The following SUPV3L1 variants were observed in gnomAD, a reference collection of about 807,000 sequenced individuals.
SUPV3L1 encodes the protein ATP-dependent RNA helicase SUPV3L1, mitochondrial.
Under a neutral mutation model 70.0 loss-of-function variants are expected in SUPV3L1, and 35 were observed. The ratio of observed to expected loss-of-function variants is 0.50; its 90% CI spans 0.38 to 0.66. The LOEUF is 0.66. Ranked by LOEUF, SUPV3L1 falls within the 30% of genes least tolerant of loss-of-function variation. The probability of loss-of-function intolerance (pLI) is 0.00; values close to 1 mark genes in which losing one functional copy is unlikely to be tolerated. For synonymous variants in SUPV3L1, 364 were observed against 341.9 expected (o/e 1.06, Z -0.71); for missense variants, 777 against 961.5 (o/e 0.81, Z 2.54).
At chr10:69,202,322 A>C in intron 11 of SUPV3L1, 117 bp from the exon 12 acceptor site, 1 of 666,504 alleles carries the variant, frequency 1.5e-6, no homozygotes. Flanking sequence ...CTTGGCATTT[A>C]CTTCATATGG....
rs536857618 is a variant in SUPV3L1, at chr10:69,199,695, T to C, written c.1298+498T>C. Among the ~76,000 whole-genome samples, 22 of 152,070 alleles carry C rather than the reference T, an allele frequency of 1.4e-4. No individual in the cohort carries two copies. The East Asian group carries it at 4.3e-3, about 29-fold the overall frequency. The stretch of plus-strand genomic sequence containing the variant: ...ACTACACTCGGCCCACACTAGGACG[T>C]TTGAATGCTGCCCACCACTACTGCT... On this transcript the variant is annotated intron_variant, in intron 10 of 14. Coordinates refer to ENST00000359655, the MANE Select transcript of SUPV3L1 (RefSeq NM_003171.5).
intron 9 of SUPV3L1, among the ~76,000 whole-genome samples, chr10:69,198,900 G>A (rs1842612219): frequency 2.6e-5 from 4 of 152,180 alleles, no homozygotes; most frequent in Admixed American, 1.3e-4. Context: ...GTGGGGGATT[G>A]TGTTGCTATA....
intron 5 of SUPV3L1, among the ~76,000 whole-genome samples, chr10:69,190,180 C>G (rs1055290745): frequency 6.6e-6 from 1 of 152,320 alleles, no homozygotes; most frequent in Non-Finnish European, 1.5e-5. Context: ...TCTCAAAACT[C>G]TGTAGTCCTT....
Position 69,198,564 on chromosome 10 carries a change from C to T in SUPV3L1, c.1204+12C>T. The T allele has an allele frequency of 6.2e-7, 1 of 1,609,966 alleles. No homozygotes were observed. Among genetic ancestry groups the T allele is most frequent in the Non-Finnish European group, 8.5e-7 (1 of 1,178,886 alleles). On this transcript the variant is annotated intron_variant, in intron 9 of 14. Transcript: ENST00000359655. The stretch of plus-strand genomic sequence containing the variant: ...CAGTCTCCCACCTGGTAATTATTGA[C>T]TTTCCTCGTGACAAGATATGAAATC...
intron 1 of SUPV3L1, among the ~76,000 whole-genome samples, chr10:69,185,272 C>T (rs1023611434): frequency 2.0e-5 from 3 of 152,182 alleles, no homozygotes; most frequent in African/African-American, 7.2e-5. Flanking sequence ...TTAACATCAG[C>T]GTGGCTTCCT....
chr10:69,180,287 C>T lies in SUPV3L1; in HGVS notation c.-5C>T, dbSNP rs765954450. 1.4e-5 allele frequency: 23 copies of T among 1,612,518 alleles called. No homozygotes were observed. Among genetic ancestry groups the T allele is most frequent in the Admixed American group, 1.7e-5 (1 of 59,924 alleles). On this transcript the variant is annotated 5_prime_UTR_variant, in exon 1 of 15. Coordinates refer to ENST00000359655, the MANE Select transcript of SUPV3L1 (RefSeq NM_003171.5). ...GCGCCAGACAGTGTAGAACCTGCGG[C>T]CTCGATGTCCTTCTCCCGTGCCCTA...
intron 8 of SUPV3L1, among the ~76,000 whole-genome samples, chr10:69,197,784 G>A (rs531587823): frequency 1.3e-5 from 2 of 152,242 alleles, no homozygotes; most frequent in South Asian, 4.1e-4. Flanking sequence ...ACCAAGGCTG[G>A]TCTCGAACTC....
intron 9 of SUPV3L1, 110 bp from the exon 10 acceptor site, chr10:69,198,994 T>A: frequency 1.3e-6 from 1 of 780,648 alleles, no homozygotes; most frequent in Non-Finnish European, 2.0e-6. Context: ...CAGTAAAGGT[T>A]TTATCATTAA....
In SUPV3L1 at chr10:69,180,581, G is replaced by C. The variant is rs751344295; in HGVS notation, c.271+19G>C. The stretch of plus-strand genomic sequence containing the variant: ...GACAAGAGTGAGTGCGGGAACTACT[G>C]AGGGCGGCAGAGGGTGGTGTCTGCT... On this transcript the variant is annotated intron_variant, in intron 1 of 14. Transcript: ENST00000359655. The C allele has an allele frequency of 3.1e-6, 5 of 1,610,642 alleles. No homozygotes were observed. Among genetic ancestry groups the C allele is most frequent in the Non-Finnish European group, 4.2e-6 (5 of 1,178,520 alleles).
chr10:69,200,229 A>G (rs1842649666), intron 10 of SUPV3L1, 51 bp from the exon 11 acceptor site: 1 of 1,486,888 alleles, frequency 6.7e-7, no homozygotes, highest in Non-Finnish European at 9.3e-7. Flanking sequence ...TGACCCAAGT[A>G]TTGGAGGGTT....
chr10:69,191,355 A>C (rs1842392665), intron 5 of SUPV3L1, among the ~76,000 whole-genome samples: 1 of 150,620 alleles, frequency 6.6e-6, no homozygotes, highest in Non-Finnish European at 1.5e-5. Context: ...CAGCCTCCCG[A>C]GTAGCTGGGA....
chr10:69,209,046 CTGT>C lies in SUPV3L1; in HGVS notation c.*13_*15del. 1 of 1,490,128 alleles carries C rather than the reference CTGT, an allele frequency of 6.7e-7. No individual in the cohort carries two copies. Among genetic ancestry groups the C allele is most frequent in the Non-Finnish European group, 9.0e-7 (1 of 1,116,896 alleles). 92.3% of individuals were successfully genotyped at this position (1,490,128 alleles called of 1,614,324 possible). A position where few individuals can be genotyped will look rare whatever the true frequency, so the allele number is the denominator to read the frequency against. On this transcript the variant is annotated 3_prime_UTR_variant, in exon 15 of 15. Transcript: ENST00000359655. The stretch of plus-strand genomic sequence containing the variant: ...CCTGATTCGGACTAGTTTTCTGTTC[CTGT>C]TTTTTTTTTTTTATTTAATTTTGCA...
intron 13 of SUPV3L1, among the ~76,000 whole-genome samples, chr10:69,204,306 G>A (rs1037968702): frequency 6.6e-6 from 1 of 152,002 alleles, no homozygotes; most frequent in Admixed American, 6.6e-5. Flanking sequence ...AAACCCAAAG[G>A]CCTCCTCTTC....
At chr10:69,182,430 T>A (rs1842093194) in intron 1 of SUPV3L1, 1 of 761,744 alleles carries the variant, frequency 1.3e-6, no homozygotes, top group East Asian at 1.3e-4. Context: ...AATTTTCCAT[T>A]ATTTTATATT....
intron 11 of SUPV3L1, 28 bp downstream of exon 11, chr10:69,200,527 T>G: frequency 6.4e-7 from 1 of 1,566,510 alleles, no homozygotes; most frequent in Non-Finnish European, 8.8e-7. Flanking sequence ...AACTACTGCT[T>G]CTCTGTGGAG....
chr10:69,184,530 T>C (rs949215929), intron 1 of SUPV3L1, among the ~76,000 whole-genome samples: 1 of 151,730 alleles, frequency 6.6e-6, no homozygotes, highest in Admixed American at 6.6e-5. Context: ...AGTGAAACAC[T>C]GTCTCCAAGA....
At chr10:69,193,047 T>A (rs765319464) in intron 6 of SUPV3L1, 9 of 152,198 alleles carry the variant, frequency 5.9e-5, no homozygotes, top group Non-Finnish European at 1.2e-4. Context: ...TTTTCCTTAT[T>A]ATGTAAGCAA....
At position 69,180,333 on chromosome 10, in the gene SUPV3L1, G is replaced by C. The variant is rs749031000; in HGVS notation, c.42G>C (p.Ala14=). 6.2e-7 allele frequency: 1 copy of C among 1,614,000 alleles called. No homozygotes were observed. The highest frequency in any genetic ancestry group is 1.1e-5 in the South Asian group (1 of 91,072). The part of the protein sequence containing the change: ...SRALLWARLP[A]GRQAGHRAAI... ...CCCTATTGTGGGCTCGGCTCCCGGC[G>C]GGGCGCCAGGCTGGCCACCGGGCAG... Residue 14 remains alanine, a synonymous_variant, in exon 1 of 15, where the codon GCG becomes GCC. Coordinates refer to ENST00000359655, the MANE Select transcript of SUPV3L1 (RefSeq NM_003171.5).
intron 8 of SUPV3L1, among the ~76,000 whole-genome samples, chr10:69,197,561 G>T (rs1176719123): frequency 6.6e-6 from 1 of 151,830 alleles, no homozygotes; most frequent in Non-Finnish European, 1.5e-5. Context: ...ATAGTAAAAT[G>T]AATTATTATT....
Sources: allele counts gnomAD v4.1 joint callset (sites outside exome capture counted in the v4.1 genomes callset), GRCh38; gene constraint gnomAD v4.1.1; transcripts MANE v1.5; gene names NCBI Gene and HGNC (gene_info 2026-07-23, HGNC 2026-07-21).